The following LMOD3 variants were observed in gnomAD, a reference collection of about 807,000 sequenced individuals.
The protein encoded by LMOD3 is leiomodin-3.
A neutral mutation model predicts 41.8 loss-of-function variants in LMOD3; 31 were observed. The ratio of observed to expected loss-of-function variants is 0.74; its 90% CI spans 0.56 to 1.00. The LOEUF is 1.00. Ranked by LOEUF, LMOD3 falls within the 50% of genes least tolerant of loss-of-function variation. LMOD3 has a pLI of 0.00. For missense variants in LMOD3, 755 were observed against 679.5 expected (o/e 1.11, Z -1.23); for synonymous variants, 292 against 241.9 (o/e 1.21, Z -1.92).
chr3:69,109,718 A>T (rs2092339263), intron 2 of LMOD3, among the ~76,000 whole-genome samples: 1 of 151,760 alleles, frequency 6.6e-6, no homozygotes, highest in South Asian at 2.1e-4. Context: ...TAGTAGAGAC[A>T]GGGTTTCACC....
chr3:69,111,265 T>C (rs1020790311), intron 2 of LMOD3, among the ~76,000 whole-genome samples: 1 of 152,146 alleles, frequency 6.6e-6, no homozygotes, highest in Admixed American at 6.5e-5. Context: ...GAGAGGACCT[T>C]TGATGTGCTG....
rs890800531 is a variant in LMOD3 at position 69,108,336 on chromosome 3, T to C, written c.*759A>G. The C allele has an allele frequency of 6.6e-6, 1 of 152,156 alleles. No homozygotes were observed. The highest frequency in any genetic ancestry group is 1.5e-5 in the Non-Finnish European group (1 of 68,012). The allele number at this position is 152,156 out of a possible 1,614,324, so 9.4% of individuals were successfully genotyped here. The stretch of plus-strand genomic sequence containing the variant: ...TATAAAAACAGCATGCTGTCTCCCA[T>C]TGTCCCTCTATATATGAAAACTTGC... On this transcript the variant is annotated 3_prime_UTR_variant, in exon 3 of 3. Coordinates refer to ENST00000420581, the MANE Select transcript of LMOD3 (RefSeq NM_198271.5).
At position 69,119,679 on chromosome 3, in the gene LMOD3, T is replaced by C. The variant is rs2092397163; in HGVS notation, c.676A>G (p.Ser226Gly). The C allele has an allele frequency of 1.9e-6, 3 of 1,613,966 alleles. No homozygotes were observed. Among genetic ancestry groups the C allele is most frequent in the Non-Finnish European group, 2.5e-6 (3 of 1,179,878 alleles). The change falls in exon 2 of 3, where the codon AGC becomes GGC. Residue 226 changes from serine (S) to glycine (G), a missense_variant. Ser to Gly is a moderately conservative substitution (Grantham distance 56, BLOSUM62 0). Transcript: ENST00000420581. The part of the protein sequence containing the change: ...LDPKKLALDT[S>G]FLKVSTRPSG... ...GGCCTTGTACTTACCTTCAAAAAGC[T>C]GGTGTCTAGAGCTAACTTCTTAGGA...
At chr3:69,115,503 CACACACACACACACAA>C (rs1559659842) in intron 2 of LMOD3, among the ~76,000 whole-genome samples, 2 of 151,688 alleles carry the variant, frequency 1.3e-5, no homozygotes, top group East Asian at 3.9e-4. Context: ...CACACACACA[CACACACACACACACAA>C]AACTTTTCTA....
Position 69,108,743 on chromosome 3 carries a change from A to G in LMOD3, c.*352T>C, listed in dbSNP as rs2092334465. On this transcript the variant is annotated 3_prime_UTR_variant, in exon 3 of 3. Transcript: ENST00000420581. Reference sequence around the variant, plus strand: ...GAATACAATAGTTAACACTTCTGTTATATTTATTATTTACCAGAAGAAAAC... The same window carrying G: ...GAATACAATAGTTAACACTTCTGTTGTATTTATTATTTACCAGAAGAAAAC... 1 of 207,880 alleles carries G rather than the reference A, an allele frequency of 4.8e-6. No homozygotes were observed. The highest frequency in any genetic ancestry group is 9.6e-6 in the Non-Finnish European group (1 of 104,500). 12.9% of individuals were successfully genotyped at this position (207,880 alleles called of 1,614,324 possible).
chr3:69,119,073 G>C lies in LMOD3; in HGVS notation c.1282C>G (p.Pro428Ala), dbSNP rs1397712222. The change falls in exon 2 of 3, where the codon CCT becomes GCT. Residue 428 changes from proline to alanine, a missense_variant. Transcript: ENST00000420581. ...AMLENGLGLPPGMWELLGGPK... is the reference protein window; with the variant it reads ...AMLENGLGLPAGMWELLGGPK... The stretch of plus-strand genomic sequence containing the variant: ...CCTCCCAACAGCTCCCACATCCCAG[G>C]GGGCAGCCCCAACCCATTCTCTAAC... 6.2e-7 allele frequency: 1 copy of C among 1,613,762 alleles called. No individual in the cohort carries two copies.
chr3:69,122,304 G>A lies in LMOD3; in HGVS notation c.83C>T (p.Ser28Phe), dbSNP rs748378652. 6.2e-7 allele frequency: 1 copy of A among 1,613,304 alleles called. No homozygotes were observed. The highest frequency in any genetic ancestry group is 8.5e-7 in the Non-Finnish European group (1 of 1,179,600). The part of the protein sequence containing the change: ...INEDEILANL[S>F]AEELKELQSE... ...CTGCAGTTCTTTCAGTTCTTCAGCAGACAAGTTGGCCAAGATTTCATCTTC... is the reference window on the plus strand; with the variant it reads ...CTGCAGTTCTTTCAGTTCTTCAGCAAACAAGTTGGCCAAGATTTCATCTTC... Residue 28 changes from serine to phenylalanine, a missense_variant, in exon 1 of 3, where the codon TCT (serine) becomes TTT (phenylalanine). Physicochemically the swap from Ser to Phe is radical, Grantham distance 155. Coordinates refer to ENST00000420581, the MANE Select transcript of LMOD3 (RefSeq NM_198271.5).
chr3:69,117,898 C>T (rs950862469), intron 2 of LMOD3, among the ~76,000 whole-genome samples: 11 of 147,704 alleles, frequency 7.4e-5, no homozygotes, highest in Admixed American at 3.4e-4. Context: ...GTGGTGCAAT[C>T]TCCGCTCACT....
intron 1 of LMOD3, among the ~76,000 whole-genome samples, chr3:69,120,505 C>T (rs1375309181): frequency 2.6e-5 from 4 of 151,374 alleles, no homozygotes; most frequent in African/African-American, 9.7e-5. Context: ...ATTAACATCC[C>T]TACAATGTCT....
chr3:69,121,592 G>C (rs1179276076), intron 1 of LMOD3, among the ~76,000 whole-genome samples: 1 of 152,192 alleles, frequency 6.6e-6, no homozygotes, highest in Non-Finnish European at 1.5e-5. Flanking sequence ...AATAATATAA[G>C]ACATTTTCTG....
Position 69,122,476 on chromosome 3 carries a change from A to G in LMOD3, c.-90T>C. Reference sequence around the variant, plus strand: ...GAAAAAAGCCTCAAGAAGGTCCCCCAGTTAACGAGTGTCCCAAGTTAACAC... The same window carrying G: ...GAAAAAAGCCTCAAGAAGGTCCCCCGGTTAACGAGTGTCCCAAGTTAACAC... On this transcript the variant is annotated 5_prime_UTR_variant, in exon 1 of 3. Coordinates refer to ENST00000420581, the MANE Select transcript of LMOD3 (RefSeq NM_198271.5). The G allele has an allele frequency of 1.0e-6, 1 of 979,934 alleles. No homozygotes were observed. Among genetic ancestry groups the G allele is most frequent in the Admixed American group, 2.9e-5 (1 of 35,026 alleles). The allele number at this position is 979,934 out of a possible 1,614,324, so 60.7% of individuals were successfully genotyped here.
At chr3:69,111,356 G>C (rs1451544813) in intron 2 of LMOD3, among the ~76,000 whole-genome samples, 1 of 152,206 alleles carries the variant, frequency 6.6e-6, no homozygotes, top group Non-Finnish European at 1.5e-5. Context: ...TGAGAAGAGA[G>C]GGGTATGACT....
rs781242238 is a variant in LMOD3, at chr3:69,122,584, C to T, written c.-198G>A. The stretch of plus-strand genomic sequence containing the variant: ...GGAGTGATCACAGCTAAGCTCTTGC[C>T]GGATCTATATTAAGCAGGGCTTGGC... On this transcript the variant is annotated 5_prime_UTR_variant, in exon 1 of 3. Transcript: ENST00000420581. 7.7e-5 allele frequency: 41 copies of T among 529,224 alleles called. No homozygotes were observed. The highest frequency in any genetic ancestry group is 2.2e-4 in the East Asian group (7 of 32,484). The allele number at this position is 529,224 out of a possible 1,614,324, so 32.8% of individuals were successfully genotyped here. A position where few individuals can be genotyped will look rare whatever the true frequency, so the allele number is the denominator to read the frequency against.
Position 69,106,120 on chromosome 3 carries a change from G to A in LMOD3, c.*2975C>T, listed in dbSNP as rs752241817. The A allele has an allele frequency of 6.6e-6, 1 of 152,132 alleles. No individual in the cohort carries two copies. Among genetic ancestry groups the A allele is most frequent in the Non-Finnish European group, 1.5e-5 (1 of 68,028 alleles). The allele number at this position is 152,132 out of a possible 1,614,324, so 9.4% of individuals were successfully genotyped here. On this transcript the variant is annotated 3_prime_UTR_variant, in exon 3 of 3. Coordinates refer to ENST00000420581, the MANE Select transcript of LMOD3 (RefSeq NM_198271.5). Reference sequence around the variant, plus strand: ...TCTGTCTTAAATACCTGAGAAACTTGGCGACGACCCTATAAACAGTGAAGC... The same window carrying A: ...TCTGTCTTAAATACCTGAGAAACTTAGCGACGACCCTATAAACAGTGAAGC...
At position 69,122,283 on chromosome 3, in the gene LMOD3, A is replaced by C. The variant is rs1263055699; in HGVS notation, c.104T>G (p.Leu35Arg). 3 of 1,613,510 alleles carry C rather than the reference A, an allele frequency of 1.9e-6. No homozygotes were observed. The highest frequency in any genetic ancestry group is 2.2e-5 in the South Asian group (2 of 90,974). Reference sequence around the variant, plus strand: ...GGCCATGACTTCCATTTCCGACTGCAGTTCTTTCAGTTCTTCAGCAGACAA... The same window carrying C: ...GGCCATGACTTCCATTTCCGACTGCCGTTCTTTCAGTTCTTCAGCAGACAA... ...ANLSAEELKELQSEMEVMAPD... is the reference protein window; with the variant it reads ...ANLSAEELKERQSEMEVMAPD... The change falls in exon 1 of 3, where the codon CTG (leucine) becomes CGG (arginine). Residue 35 changes from leucine to arginine, a missense_variant. By Grantham distance (102) the Leu-to-Arg change is moderately radical. Transcript: ENST00000420581.
chr3:69,117,351 T>C (rs1477234120), intron 2 of LMOD3, among the ~76,000 whole-genome samples: 3 of 152,206 alleles, frequency 2.0e-5, no homozygotes, highest in Non-Finnish European at 2.9e-5. Context: ...TCAAGCTCTT[T>C]AAAGCAGAAA....
At position 69,119,511 on chromosome 3, in the gene LMOD3, T is replaced by C. The variant is rs1186228441; in HGVS notation, c.844A>G (p.Lys282Glu). ...GCTAAACTGAATGTTTTGATGTGCTTGTTTTTCTTCATTGCATTGACAAAG... is the reference window on the plus strand; with the variant it reads ...GCTAAACTGAATGTTTTGATGTGCTCGTTTTTCTTCATTGCATTGACAAAG... ...LDFVNAMKKN[K>E]HIKTFSLANV... The change falls in exon 2 of 3, where the codon AAG (lysine) becomes GAG (glutamate). Residue 282 changes from lysine (K) to glutamate (E), a missense_variant. By Grantham distance (56) the Lys-to-Glu change is moderately conservative (BLOSUM62 1). Coordinates refer to ENST00000420581, the MANE Select transcript of LMOD3 (RefSeq NM_198271.5). The C allele has an allele frequency of 6.2e-7, 1 of 1,614,014 alleles. No homozygotes were observed. The highest frequency in any genetic ancestry group is 1.7e-5 in the Admixed American group (1 of 60,022).
At chr3:69,110,511 T>A (rs1036922428) in intron 2 of LMOD3, among the ~76,000 whole-genome samples, 10 of 149,608 alleles carry the variant, frequency 6.7e-5, no homozygotes, top group Non-Finnish European at 1.0e-4. Context: ...ATTACAGGTG[T>A]GAGCCACCGC....
chr3:69,121,996 C>A, intron 1 of LMOD3, 97 bp downstream of exon 1: 1 of 1,013,860 alleles, frequency 9.9e-7, no homozygotes, highest in South Asian at 1.7e-5. Context: ...AAAGCAGAAC[C>A]AAACCCTGGA....
Sources: gnomAD v4.1 joint callset for allele counts (sites outside exome capture counted in the v4.1 genomes callset) on GRCh38, gnomAD v4.1.1 for gene constraint, MANE v1.5 for transcripts, NCBI Gene and HGNC (gene_info 2026-07-23, HGNC 2026-07-21) for gene names.